Variants in BRAF observed in about 807,000 individuals in gnomAD.
The protein encoded by BRAF is B-Raf proto-oncogene, serine/threonine kinase.
BRAF carries 16 observed loss-of-function variants against 104.6 expected under a neutral mutation model. The observed-to-expected ratio is 0.15, with a 90% confidence interval of 0.10 to 0.23. The LOEUF (loss-of-function observed/expected upper bound fraction) is 0.23. Among genes scored for constraint, BRAF ranks in the 10% least tolerant of loss-of-function variants. The pLI is 1.00. For synonymous variants in BRAF, 310 were observed against 341.6 expected, an observed-to-expected ratio of 0.91 and a Z score of 1.02; for missense variants, 541 against 937.3, an observed-to-expected ratio of 0.58 and a Z score of 5.52.
intron 7 of BRAF, among the ~76,000 whole-genome samples, chr7:140,796,498 G>A (rs907832568): frequency 2.0e-5 from 3 of 152,190 alleles, no homozygotes; most frequent in Non-Finnish European, 2.9e-5. Flanking sequence ...ACAGAAACAT[G>A]TAGTAGATAA....
chr7:140,776,052 C>A (rs1269386681), intron 14 of BRAF, among the ~76,000 whole-genome samples: 35 of 152,110 alleles, frequency 2.3e-4, no homozygotes, highest in Admixed American at 2.3e-3. Flanking sequence ...GAGTTAAACA[C>A]CTTTGGTGCC....
intron 1 of BRAF, among the ~76,000 whole-genome samples, chr7:140,873,780 G>A (rs947125352): frequency 3.3e-5 from 5 of 152,126 alleles, no homozygotes; most frequent in African/African-American, 9.7e-5. Flanking sequence ...AGAGGAGCCC[G>A]GAGGAAAGCA....
At position 140,725,744 on chromosome 7, in the gene BRAF, G is replaced by A. The variant is rs1468104404; in HGVS notation, c.*750C>T. Reference sequence around the variant, plus strand: ...ACTTATCTTCATTGCTGGACCCAATGAGAAAGAAGGCAATGTGTGCCAGCA... The same window carrying A: ...ACTTATCTTCATTGCTGGACCCAATAAGAAAGAAGGCAATGTGTGCCAGCA... On this transcript the variant is annotated 3_prime_UTR_variant, in exon 20 of 20. Transcript: ENST00000644969. The A allele has an allele frequency of 1.5e-5, 16 of 1,059,864 alleles. No homozygotes were observed. The highest frequency in any genetic ancestry group is 1.6e-5 in the Non-Finnish European group (14 of 876,064). The allele number at this position is 1,059,864 out of a possible 1,614,324, so 65.7% of individuals were successfully genotyped here. A position where few individuals can be genotyped will look rare whatever the true frequency, so the allele number is the denominator to read the frequency against.
intron 3 of BRAF, among the ~76,000 whole-genome samples, chr7:140,818,862 T>C (rs940046883): frequency 2.0e-5 from 3 of 152,196 alleles, no homozygotes; most frequent in Admixed American, 6.5e-5. Context: ...GCTTATCTAG[T>C]CTACCTTATA....
chr7:140,795,123 C>T (rs1043157964), intron 7 of BRAF, among the ~76,000 whole-genome samples: 4 of 152,144 alleles, frequency 2.6e-5, no homozygotes, highest in Non-Finnish European at 5.9e-5. Context: ...TTGAAAACTG[C>T]TATTTGGAAA....
chr7:140,790,733 C>T (rs1562961429), intron 8 of BRAF, among the ~76,000 whole-genome samples: 1 of 152,166 alleles, frequency 6.6e-6, no homozygotes, highest in Non-Finnish European at 1.5e-5. Flanking sequence ...CAATCATTTC[C>T]TCTCTTGTTA....
intron 14 of BRAF, among the ~76,000 whole-genome samples, chr7:140,770,747 C>T (rs912567290): frequency 1.3e-5 from 2 of 151,816 alleles, no homozygotes; most frequent in Non-Finnish European, 2.9e-5. Flanking sequence ...ACCAGCCTGG[C>T]CATCATGGTG....
At chr7:140,823,366 C>T (rs1438808956) in intron 3 of BRAF, among the ~76,000 whole-genome samples, 1 of 152,164 alleles carries the variant, frequency 6.6e-6, no homozygotes, top group African/African-American at 2.4e-5. Flanking sequence ...TACTCTGTGT[C>T]TCTGTGAGTC....
intron 1 of BRAF, among the ~76,000 whole-genome samples, chr7:140,872,468 T>G (rs944799777): frequency 6.6e-6 from 1 of 152,054 alleles, no homozygotes; most frequent in Non-Finnish European, 1.5e-5. Flanking sequence ...AGAATTAAAA[T>G]AAGAAGAAGA....
At chr7:140,792,162 C>T (rs2129036066) in intron 8 of BRAF, among the ~76,000 whole-genome samples, 1 of 152,302 alleles carries the variant, frequency 6.6e-6, no homozygotes, top group South Asian at 2.1e-4. Flanking sequence ...CCCCAAAACA[C>T]ACTCTTTCTC....
At chr7:140,815,533 A>G (rs189621804) in intron 3 of BRAF, among the ~76,000 whole-genome samples, 130 of 149,618 alleles carry the variant, frequency 8.7e-4, no homozygotes, top group Non-Finnish European at 1.6e-3. Flanking sequence ...TCACAGGTTC[A>G]AGGGATTCTC....
intron 19 of BRAF, among the ~76,000 whole-genome samples, chr7:140,730,150 C>G (rs960531219): frequency 6.6e-6 from 1 of 151,928 alleles, no homozygotes; most frequent in African/African-American, 2.4e-5. Flanking sequence ...CTTAATGATT[C>G]CTTCTTGCCC....
chr7:140,845,327 A>G (rs1808430189), intron 2 of BRAF, among the ~76,000 whole-genome samples: 1 of 152,206 alleles, frequency 6.6e-6, no homozygotes, highest in Non-Finnish European at 1.5e-5. Flanking sequence ...TTTCTTGGAT[A>G]TGATATCAAA....
At chr7:140,910,286 C>A (rs141524700) in intron 1 of BRAF, among the ~76,000 whole-genome samples, 145 of 152,316 alleles carry the variant, frequency 9.5e-4, no homozygotes, top group African/African-American at 3.5e-3. Context: ...ATTCCCACTG[C>A]CTATTACATC....
intron 17 of BRAF, among the ~76,000 whole-genome samples, chr7:140,745,492 C>T (rs1019960609): frequency 1.1e-4 from 17 of 152,116 alleles, no homozygotes; most frequent in African/African-American, 4.1e-4. Flanking sequence ...GAAGTTTTTC[C>T]TGGATGTTAT....
At chr7:140,761,897 T>G (rs1015158469) in intron 14 of BRAF, among the ~76,000 whole-genome samples, 20 of 152,260 alleles carry the variant, frequency 1.3e-4, no homozygotes, top group Middle Eastern at 3.4e-3. Context: ...AGCAAGTCCT[T>G]AGTGACCTAC....
At chr7:140,739,237 A>G (rs1796695040) in intron 18 of BRAF, among the ~76,000 whole-genome samples, 2 of 152,082 alleles carry the variant, frequency 1.3e-5, no homozygotes, top group South Asian at 4.1e-4. Flanking sequence ...TACTGTCATT[A>G]TTTTACAAGC....
At chr7:140,818,558 C>G (rs1217473901) in intron 3 of BRAF, among the ~76,000 whole-genome samples, 1 of 152,116 alleles carries the variant, frequency 6.6e-6, no homozygotes, top group Non-Finnish European at 1.5e-5. Flanking sequence ...GGTGATCCGC[C>G]CGCCTTGGCC....
chr7:140,759,307 T>TA (rs1371960939), intron 14 of BRAF, among the ~76,000 whole-genome samples: 2 of 152,262 alleles, frequency 1.3e-5, no homozygotes, highest in Non-Finnish European at 2.9e-5. Flanking sequence ...CTGTATCATT[T>TA]AAAATCTTTA....
Sources: allele counts gnomAD v4.1 joint callset (sites outside exome capture counted in the v4.1 genomes callset), GRCh38; gene constraint gnomAD v4.1.1; transcripts MANE v1.5; gene names NCBI Gene and HGNC (gene_info 2026-07-23, HGNC 2026-07-21).